RALYL: variants seen among roughly 807,000 people sequenced by gnomAD.
RALYL encodes RALY RNA binding protein like.
Under a neutral mutation model 35.1 loss-of-function variants are expected in RALYL, and 29 were observed. The observed-to-expected ratio is 0.83, with a 90% CI of 0.61 to 1.13. The LOEUF is 1.13. RALYL is among the 50% of genes most tolerant of loss of function. RALYL has a pLI of 0.00. For synonymous variants in RALYL, 120 were observed against 127.6 expected (o/e 0.94, Z 0.40); for missense variants, 359 against 360.4 (o/e 1.00, Z 0.03).
intron 1 of RALYL, among the ~76,000 whole-genome samples, chr8:84,378,688 G>A (rs1322159359): frequency 6.6e-6 from 1 of 151,668 alleles, no homozygotes; most frequent in Admixed American, 6.6e-5. Flanking sequence ...TGGTTTCCGC[G>A]AGATCTAGCT....
intron 2 of RALYL, among the ~76,000 whole-genome samples, chr8:84,548,928 C>T (rs1342390732): frequency 6.6e-6 from 1 of 152,170 alleles, no homozygotes; most frequent in Non-Finnish European, 1.5e-5. Context: ...GTCAAAACCT[C>T]TCTAGAATGA....
chr8:84,665,982 G>A (rs10504807), intron 2 of RALYL: 14 of 151,706 alleles, frequency 9.2e-5, no homozygotes, highest in Admixed American at 3.9e-4. Context: ...ACTAGACCAC[G>A]TGTTTATTTT....
intron 1 of RALYL, among the ~76,000 whole-genome samples, chr8:84,498,769 T>C (rs1310056738): frequency 1.3e-5 from 2 of 152,116 alleles, no homozygotes; most frequent in Non-Finnish European, 2.9e-5. Context: ...TTATATATTA[T>C]CAAAGATGTA....
At chr8:84,435,790 T>C (rs924011166) in intron 1 of RALYL, among the ~76,000 whole-genome samples, 19 of 152,122 alleles carry the variant, frequency 1.2e-4, no homozygotes, top group African/African-American at 4.3e-4. Flanking sequence ...TTTCTTTCAC[T>C]CCTGAAAATA....
At chr8:84,801,514 G>T (rs1313983260) in intron 3 of RALYL, among the ~76,000 whole-genome samples, 2 of 152,078 alleles carry the variant, frequency 1.3e-5, no homozygotes, top group Admixed American at 6.5e-5. Flanking sequence ...TGATGGTGAT[G>T]ATAAGTATTA....
intron 1 of RALYL, among the ~76,000 whole-genome samples, chr8:84,207,834 A>G (rs931892995): frequency 2.6e-5 from 4 of 151,746 alleles, no homozygotes; most frequent in African/African-American, 4.8e-5. Context: ...ATATATATAT[A>G]TATATAGAAA....
At chr8:84,240,218 T>A (rs1016018939) in intron 1 of RALYL, among the ~76,000 whole-genome samples, 1 of 152,180 alleles carries the variant, frequency 6.6e-6, no homozygotes, top group Non-Finnish European at 1.5e-5. Flanking sequence ...AGGTAAAAAA[T>A]TAAAAAGCAA....
At chr8:84,906,848 C>A in intron 8 of RALYL, 1 of 547,652 alleles carries the variant, frequency 1.8e-6, no homozygotes, top group Non-Finnish European at 2.3e-6. Context: ...CTCATTAAGT[C>A]TCTCACCGGC....
intron 1 of RALYL, among the ~76,000 whole-genome samples, chr8:84,204,275 A>C (rs1817577505): frequency 6.6e-6 from 1 of 152,108 alleles, no homozygotes; most frequent in Non-Finnish European, 1.5e-5. Flanking sequence ...GAGGAAGAGC[A>C]CCACAAAAAT....
chr8:84,712,740 CA>C (rs1842390706), intron 2 of RALYL, among the ~76,000 whole-genome samples: 1 of 152,052 alleles, frequency 6.6e-6, no homozygotes, highest in Admixed American at 6.6e-5. Context: ...TTTATCACTT[CA>C]AAAAATGTTA....
chr8:84,186,945 A>C (rs1480076046), intron 1 of RALYL, among the ~76,000 whole-genome samples: 1 of 152,130 alleles, frequency 6.6e-6, no homozygotes, highest in Non-Finnish European at 1.5e-5. Flanking sequence ...CTGGCTTCTC[A>C]TGGAAAAAAT....
At chr8:84,277,409 G>A (rs1835620535) in intron 1 of RALYL, among the ~76,000 whole-genome samples, 1 of 152,072 alleles carries the variant, frequency 6.6e-6, no homozygotes, top group Non-Finnish European at 1.5e-5. Flanking sequence ...ATAATTAAAG[G>A]TGAGATTTGG....
At chr8:84,589,216 G>C (rs1302662752) in intron 2 of RALYL, among the ~76,000 whole-genome samples, 1 of 152,108 alleles carries the variant, frequency 6.6e-6, no homozygotes, top group Non-Finnish European at 1.5e-5. Flanking sequence ...AACATCAATA[G>C]TGATTATGAA....
intron 1 of RALYL, among the ~76,000 whole-genome samples, chr8:84,395,387 G>C (rs1211717877): frequency 6.6e-6 from 1 of 151,684 alleles, no homozygotes; most frequent in Admixed American, 6.6e-5. Flanking sequence ...GTGAATTTTT[G>C]AGTGAAGTTG....
intron 1 of RALYL, among the ~76,000 whole-genome samples, chr8:84,435,741 T>C (rs2047643883): frequency 2.6e-5 from 4 of 152,146 alleles, no homozygotes; most frequent in Admixed American, 2.6e-4. Flanking sequence ...CAGCCTCTCT[T>C]TCCTGAATCT....
At chr8:84,315,449 T>C (rs1200333932) in intron 1 of RALYL, among the ~76,000 whole-genome samples, 1 of 152,132 alleles carries the variant, frequency 6.6e-6, no homozygotes, top group African/African-American at 2.4e-5. Context: ...ACATTATATA[T>C]CTACATACAA....
intron 2 of RALYL, among the ~76,000 whole-genome samples, chr8:84,536,548 T>A (rs2059618514): frequency 6.6e-6 from 1 of 152,188 alleles, no homozygotes; most frequent in Admixed American, 6.5e-5. Flanking sequence ...TGAGTATGGA[T>A]AATCATTTTT....
At chr8:84,675,912 T>C (rs1056674271) in intron 2 of RALYL, among the ~76,000 whole-genome samples, 1 of 152,160 alleles carries the variant, frequency 6.6e-6, no homozygotes, top group Non-Finnish European at 1.5e-5. Context: ...AATATATTAT[T>C]GGTCACCAAC....
chr8:84,488,947 A>T (rs1397820889), intron 1 of RALYL, among the ~76,000 whole-genome samples: 1 of 152,100 alleles, frequency 6.6e-6, no homozygotes, highest in Non-Finnish European at 1.5e-5. Flanking sequence ...AATTGAGAGG[A>T]AACAGTGAAA....
Sources: allele counts gnomAD v4.1 joint callset (sites outside exome capture counted in the v4.1 genomes callset), GRCh38; gene constraint gnomAD v4.1.1; transcripts MANE v1.5; gene names NCBI Gene and HGNC (gene_info 2026-07-23, HGNC 2026-07-21).